Variants in VAMP4 observed in about 807,000 individuals in gnomAD.
The protein encoded by VAMP4 is vesicle-associated membrane protein 4.
Under a neutral mutation model 23.5 loss-of-function variants are expected in VAMP4, and 19 were observed. The ratio of observed to expected loss-of-function variants is 0.81; its 90% CI spans 0.56 to 1.19. The LOEUF (loss-of-function observed/expected upper bound fraction) is 1.19. VAMP4 is among the 50% of genes most tolerant of loss of function. The pLI is 0.00. For missense variants in VAMP4, 145 were observed against 168.6 expected (o/e 0.86, Z 0.78); for synonymous variants, 31 against 51.0 (o/e 0.61, Z 1.67).
At chr1:171,727,490 T>G (rs531451629) in intron 3 of VAMP4, among the ~76,000 whole-genome samples, 1 of 152,310 alleles carries the variant, frequency 6.6e-6, no homozygotes, top group African/African-American at 2.4e-5. Flanking sequence ...GACGAGGATA[T>G]GGAGCAACTG....
At chr1:171,706,642 A>AG (rs1654662155) in intron 6 of VAMP4, among the ~76,000 whole-genome samples, 1 of 152,172 alleles carries the variant, frequency 6.6e-6, no homozygotes, top group Admixed American at 6.6e-5. Context: ...AATGCAAAGA[A>AG]GAAAGTAAGG....
intron 3 of VAMP4, among the ~76,000 whole-genome samples, chr1:171,719,606 C>A (rs1231976038): frequency 6.6e-6 from 1 of 152,000 alleles, no homozygotes; most frequent in African/African-American, 2.4e-5. Flanking sequence ...ACTAAAAGCG[C>A]AATTCATCTT....
intron 2 of VAMP4, among the ~76,000 whole-genome samples, chr1:171,729,005 G>C (rs950790894): frequency 1.3e-5 from 2 of 152,104 alleles, no homozygotes; most frequent in Non-Finnish European, 2.9e-5. Flanking sequence ...TGAGGACAAG[G>C]GCTTAAAAAT....
At chr1:171,708,083 G>A (rs182128688) in intron 6 of VAMP4, among the ~76,000 whole-genome samples, 47 of 152,090 alleles carry the variant, frequency 3.1e-4, no homozygotes, top group African/African-American at 1.1e-3. Context: ...CAGATTGCTC[G>A]AGGCCAGAAG....
At chr1:171,740,569 A>C (rs752976551) in intron 1 of VAMP4, among the ~76,000 whole-genome samples, 4 of 152,234 alleles carry the variant, frequency 2.6e-5, no homozygotes, top group Non-Finnish European at 5.9e-5. Flanking sequence ...TGGTTCCACA[A>C]TATTTCTGTC....
At position 171,700,997 on chromosome 1, in the gene VAMP4, A is replaced by G. The variant is rs1481181154; in HGVS notation, c.*3509T>C. The G allele has an allele frequency of 6.6e-6, 1 of 152,198 alleles. No individual in the cohort carries two copies. The highest frequency in any genetic ancestry group is 2.4e-5 in the African/African-American group (1 of 41,454). The allele number at this position is 152,198 out of a possible 1,614,324, so 9.4% of individuals were successfully genotyped here. On this transcript the variant is annotated 3_prime_UTR_variant, in exon 8 of 8. Coordinates refer to ENST00000236192, the MANE Select transcript of VAMP4 (RefSeq NM_003762.5). The stretch of plus-strand genomic sequence containing the variant: ...TTTCCAGAAGAAAAAAAAAATCAGA[A>G]TAAGACTATCTCAAAGTATTAAAGA...
At chr1:171,721,498 A>G (rs1655194777) in intron 3 of VAMP4, among the ~76,000 whole-genome samples, 1 of 152,208 alleles carries the variant, frequency 6.6e-6, no homozygotes, top group South Asian at 2.1e-4. Context: ...TATACTAGCA[A>G]TAAGTATGAC....
chr1:171,738,973 T>C (rs750215835), intron 1 of VAMP4, among the ~76,000 whole-genome samples: 1 of 152,260 alleles, frequency 6.6e-6, no homozygotes, highest in African/African-American at 2.4e-5. Context: ...TGGTACTCCA[T>C]GAAAAGGGGT....
intron 3 of VAMP4, among the ~76,000 whole-genome samples, chr1:171,720,059 A>G (rs1655141929): frequency 6.6e-6 from 1 of 151,790 alleles, no homozygotes; most frequent in Non-Finnish European, 1.5e-5. Context: ...AACTTATTTA[A>G]CATAATGTAT....
intron 3 of VAMP4, among the ~76,000 whole-genome samples, chr1:171,720,263 G>A (rs1182914971): frequency 6.6e-6 from 1 of 151,724 alleles, no homozygotes; most frequent in Non-Finnish European, 1.5e-5. Flanking sequence ...ACAAGAGCTG[G>A]TCAACCGAAA....
At position 171,704,120 on chromosome 1, in the gene VAMP4, G is replaced by T; in HGVS notation, c.*386C>A. The T allele has an allele frequency of 6.4e-6, 1 of 155,858 alleles. No homozygotes were observed. Among genetic ancestry groups the T allele is most frequent in the Non-Finnish European group, 1.4e-5 (1 of 70,230 alleles). The allele number at this position is 155,858 out of a possible 1,614,324, so 9.7% of individuals were successfully genotyped here. ...AGCATATAATTTGGTACTCTACACA[G>T]GCTTCCTGACCCCCAGCATGACCCG... On this transcript the variant is annotated 3_prime_UTR_variant, in exon 8 of 8. Transcript: ENST00000236192.
chr1:171,736,032 G>C (rs1655730761), intron 2 of VAMP4, among the ~76,000 whole-genome samples: 1 of 152,066 alleles, frequency 6.6e-6, no homozygotes, highest in African/African-American at 2.4e-5. Context: ...GATTACAGGT[G>C]TGCACCACCG....
intron 1 of VAMP4, among the ~76,000 whole-genome samples, chr1:171,740,147 T>C (rs1440587288): frequency 6.6e-6 from 1 of 152,210 alleles, no homozygotes; most frequent in African/African-American, 2.4e-5. Context: ...CGTTAGTCAC[T>C]ACATTCATTG....
At chr1:171,741,518 T>C (rs1225812698) in intron 1 of VAMP4, among the ~76,000 whole-genome samples, 1 of 130,584 alleles carries the variant, frequency 7.7e-6, no homozygotes, top group African/African-American at 3.0e-5. Flanking sequence ...CCACACCCAA[T>C]CTGTCACACC....
chr1:171,739,573 C>G (rs1470181557), intron 1 of VAMP4, among the ~76,000 whole-genome samples: 3 of 152,188 alleles, frequency 2.0e-5, no homozygotes, highest in Admixed American at 6.5e-5. Flanking sequence ...GTAAAACAAC[C>G]TGGAACTTGT....
At chr1:171,722,200 A>G (rs6670549) in intron 3 of VAMP4, among the ~76,000 whole-genome samples, 27,066 of 152,030 alleles carry the variant, frequency 0.18, 3,119 homozygotes, top group African/African-American at 0.33. Context: ...CTGGCTAGCC[A>G]TATGTAGAAA....
Position 171,703,968 on chromosome 1 carries a change from G to A in VAMP4, c.*538C>T, listed in dbSNP as rs1654564680. ...TGGAATGTTTTTAGTTATACCTGAG[G>A]GCAACAACATTTACAACATTTAGCT... On this transcript the variant is annotated 3_prime_UTR_variant, in exon 8 of 8. Coordinates refer to ENST00000236192, the MANE Select transcript of VAMP4 (RefSeq NM_003762.5). The A allele has an allele frequency of 6.6e-6, 1 of 152,174 alleles. No individual in the cohort carries two copies. The highest frequency in any genetic ancestry group is 1.5e-5 in the Non-Finnish European group (1 of 67,862). 9.4% of individuals were successfully genotyped at this position (152,174 alleles called of 1,614,324 possible).
At chr1:171,722,187 A>G (rs1300861191) in intron 3 of VAMP4, among the ~76,000 whole-genome samples, 1 of 152,140 alleles carries the variant, frequency 6.6e-6, no homozygotes, top group Non-Finnish European at 1.5e-5. Flanking sequence ...GGTGCTGGGA[A>G]AACTGGCTAG....
intron 3 of VAMP4, among the ~76,000 whole-genome samples, chr1:171,722,450 C>G (rs902440655): frequency 2.0e-5 from 3 of 152,050 alleles, no homozygotes; most frequent in African/African-American, 7.2e-5. Flanking sequence ...AAAGAAACTA[C>G]CATCAGAGTG....
Sources: gnomAD v4.1 joint callset for allele counts (sites outside exome capture counted in the v4.1 genomes callset) on GRCh38, gnomAD v4.1.1 for gene constraint, MANE v1.5 for transcripts, NCBI Gene and HGNC (gene_info 2026-07-23, HGNC 2026-07-21) for gene names.